COL19A1: variants seen among roughly 807,000 people sequenced by gnomAD.
The protein encoded by COL19A1 is collagen type XIX alpha 1 chain.
A neutral mutation model predicts 190.2 loss-of-function variants in COL19A1; 159 were observed. The observed-to-expected ratio is 0.84, with a 90% CI of 0.73 to 0.95. The LOEUF is 0.95. Among genes scored for constraint, COL19A1 ranks in the 40% least tolerant of loss-of-function variants. COL19A1 has a pLI of 0.00. For missense variants in COL19A1, 1,418 were observed against 1,431.9 expected, an observed-to-expected ratio of 0.99 and a Z score of 0.16; for synonymous variants, 509 against 458.9, an observed-to-expected ratio of 1.11 and a Z score of -1.39.
At chr6:69,979,806 G>A (rs889331357) in intron 11 of COL19A1, among the ~76,000 whole-genome samples, 6 of 151,586 alleles carry the variant, frequency 4.0e-5, no homozygotes, top group Non-Finnish European at 4.4e-5. Flanking sequence ...ATCTAGGAAT[G>A]TAATGGGAAA....
At chr6:70,117,121 C>A (rs1784625182) in intron 16 of COL19A1, among the ~76,000 whole-genome samples, 1 of 152,166 alleles carries the variant, frequency 6.6e-6, no homozygotes, top group Admixed American at 6.5e-5. Flanking sequence ...AGCCACAGAG[C>A]TCCTGATTCA....
At chr6:69,917,379 G>A (rs755053965) in intron 4 of COL19A1, among the ~76,000 whole-genome samples, 3 of 152,130 alleles carry the variant, frequency 2.0e-5, no homozygotes, top group Non-Finnish European at 4.4e-5. Context: ...GCTGAGCAAC[G>A]TAAGTGTTAA....
chr6:70,089,310 C>A (rs1229182265), intron 15 of COL19A1, among the ~76,000 whole-genome samples: 4 of 152,042 alleles, frequency 2.6e-5, no homozygotes, highest in African/African-American at 9.7e-5. Context: ...CTTTCATTAA[C>A]CCCTCAAGGC....
At chr6:70,163,068 G>C (rs1170682110) in intron 35 of COL19A1, among the ~76,000 whole-genome samples, 1 of 152,150 alleles carries the variant, frequency 6.6e-6, no homozygotes, top group East Asian at 1.9e-4. Context: ...TAAACAGCAA[G>C]ACTAGATTCT....
intron 18 of COL19A1, among the ~76,000 whole-genome samples, chr6:70,133,426 T>C (rs1403090193): frequency 6.6e-6 from 1 of 152,142 alleles, no homozygotes; most frequent in Non-Finnish European, 1.5e-5. Flanking sequence ...TAAATGGCCA[T>C]GGAGACCATC....
intron 3 of COL19A1, among the ~76,000 whole-genome samples, 172 bp from the exon 4 acceptor site, chr6:69,900,067 A>T (rs531888656): frequency 1.0e-3 from 159 of 152,252 alleles, no homozygotes; most frequent in Non-Finnish European, 9.7e-4. Flanking sequence ...AGTGAATTTC[A>T]TTCTCTTTTA....
intron 11 of COL19A1, among the ~76,000 whole-genome samples, chr6:70,006,066 C>T (rs1008443540): frequency 6.6e-6 from 1 of 152,104 alleles, no homozygotes; most frequent in African/African-American, 2.4e-5. Context: ...CTTGAAAAGC[C>T]CTTCCCCCAC....
At position 70,113,500 on chromosome 6, in the gene COL19A1, C is replaced by T. The variant is rs1467891584; in HGVS notation, c.1279-8380C>T. 3.3e-5 allele frequency among the ~76,000 whole-genome samples: 5 copies of T among 152,186 alleles called. No homozygotes were observed. The East Asian group carries it at 7.7e-4, about 23-fold the overall frequency. On this transcript the variant is annotated intron_variant, in intron 16 of 50. Transcript: ENST00000620364. ...AGTTTCTGTGCACCAAAATCATCCC[C>T]AAGCAATATACTCTCTTGATTAGCT...
At chr6:69,978,817 A>G (rs540367372) in intron 11 of COL19A1, among the ~76,000 whole-genome samples, 18 of 151,830 alleles carry the variant, frequency 1.2e-4, no homozygotes, top group African/African-American at 4.3e-4. Context: ...GACTAAGAAA[A>G]TGAATACACA....
chr6:70,056,100 G>A (rs188684734), intron 14 of COL19A1, among the ~76,000 whole-genome samples: 4 of 151,970 alleles, frequency 2.6e-5, no homozygotes, highest in East Asian at 3.9e-4. Flanking sequence ...TTCCACTGCC[G>A]CTTGTTTTCC....
chr6:69,891,106 T>C (rs1178272143), intron 2 of COL19A1: 3 of 234,540 alleles, frequency 1.3e-5, no homozygotes, highest in African/African-American at 4.6e-5. Flanking sequence ...AGAAAACACA[T>C]ATCAACATGA....
intron 18 of COL19A1, chr6:70,131,075 G>T (rs1249788698): frequency 2.2e-6 from 1 of 461,884 alleles, no homozygotes; most frequent in Non-Finnish European, 4.5e-6. Context: ...TAGCTGTAAA[G>T]ATGACAGATT....
At chr6:69,879,198 T>TA (rs1371530031) in intron 1 of COL19A1, among the ~76,000 whole-genome samples, 2 of 152,220 alleles carry the variant, frequency 1.3e-5, no homozygotes, top group African/African-American at 4.8e-5. Context: ...ACATAAATTT[T>TA]ATATTGTGTG....
At chr6:70,100,439 T>C (rs1302850666) in intron 15 of COL19A1, among the ~76,000 whole-genome samples, 2 of 152,094 alleles carry the variant, frequency 1.3e-5, no homozygotes, top group Non-Finnish European at 2.9e-5. Flanking sequence ...TTCATTTCAA[T>C]CTTACAATCC....
intron 4 of COL19A1, among the ~76,000 whole-genome samples, chr6:69,906,019 T>A (rs1210530630): frequency 1.3e-5 from 2 of 152,208 alleles, no homozygotes; most frequent in Non-Finnish European, 2.9e-5. Context: ...AAGATTATAT[T>A]TTGATTATTT....
At chr6:70,024,801 G>A (rs967752080) in intron 12 of COL19A1, among the ~76,000 whole-genome samples, 9 of 152,192 alleles carry the variant, frequency 5.9e-5, no homozygotes, top group Non-Finnish European at 1.3e-4. Context: ...GTAGCTATGG[G>A]AGTCTCTGCA....
At chr6:70,035,326 T>C (rs74751687) in intron 13 of COL19A1, among the ~76,000 whole-genome samples, 2,087 of 152,326 alleles carry the variant, frequency 0.014, 52 homozygotes, top group African/African-American at 0.048. Flanking sequence ...TTTGTTGATA[T>C]ATCCACCTGG....
chr6:69,986,186 T>C (rs1776301273), intron 11 of COL19A1, among the ~76,000 whole-genome samples: 1 of 148,734 alleles, frequency 6.7e-6, no homozygotes, highest in African/African-American at 2.5e-5. Context: ...ATTAAAATAA[T>C]AGCTGCCAGT....
At chr6:69,969,978 C>T (rs1026621389) in intron 11 of COL19A1, among the ~76,000 whole-genome samples, 9 of 152,138 alleles carry the variant, frequency 5.9e-5, no homozygotes, top group Admixed American at 2.0e-4. Context: ...TTGCTCAGAA[C>T]TAGCTTGCCC....
Sources: gnomAD v4.1 joint callset for allele counts (sites outside exome capture counted in the v4.1 genomes callset) on GRCh38, gnomAD v4.1.1 for gene constraint, MANE v1.5 for transcripts, NCBI Gene and HGNC (gene_info 2026-07-23, HGNC 2026-07-21) for gene names.